The following ACTR3C variants were observed in gnomAD, a reference collection of about 807,000 sequenced individuals.
ACTR3C encodes the protein actin related protein 3C, also known as actin-related protein 3C.
In ACTR3C, 18 loss-of-function variants were observed where a neutral mutation model predicts 26.3. That is an observed-to-expected ratio of 0.68 (90% confidence interval 0.47 to 1.01). The LOEUF (loss-of-function observed/expected upper bound fraction) is 1.01. Ranked by LOEUF, ACTR3C falls within the 50% of genes least tolerant of loss-of-function variation. The pLI, the probability that ACTR3C is intolerant of heterozygous loss-of-function variation, is 0.00. For missense variants in ACTR3C, 184 were observed against 250.7 expected (o/e 0.73, Z 1.80); for synonymous variants, 55 against 94.5 (o/e 0.58, Z 2.42).
At chr7:150,262,406 C>T (rs1451279523) in intron 6 of ACTR3C, among the ~76,000 whole-genome samples, 2 of 152,276 alleles carry the variant, frequency 1.3e-5, no homozygotes, top group South Asian at 2.1e-4. Flanking sequence ...ATAGAAATGT[C>T]TGTAACTTTT....
the ACTR3C span, among the ~76,000 whole-genome samples, chr7:150,189,164 A>C: frequency 6.6e-6 from 1 of 151,508 alleles, no homozygotes; most frequent in African/African-American, 2.4e-5. Flanking sequence ...TATACATATA[A>C]AGTAGCTTCA....
the ACTR3C span, among the ~76,000 whole-genome samples, chr7:149,936,212 C>T: frequency 6.6e-6 from 1 of 152,176 alleles, no homozygotes; most frequent in Non-Finnish European, 1.5e-5. Context: ...ATATTAGAAA[C>T]ACCAAAGCTT....
chr7:150,315,486 C>G (rs975766245), intron 1 of ACTR3C, among the ~76,000 whole-genome samples: 1 of 152,086 alleles, frequency 6.6e-6, no homozygotes, highest in Non-Finnish European at 1.5e-5. Flanking sequence ...AGAAAACATG[C>G]TCAGGATGGA....
intron 4 of ACTR3C, among the ~76,000 whole-genome samples, chr7:150,287,368 G>T (rs1835870750): frequency 6.6e-6 from 1 of 152,206 alleles, no homozygotes; most frequent in African/African-American, 2.4e-5. Flanking sequence ...GGATGCTGCT[G>T]CTGCTGCTGC....
chr7:149,978,298 T>C, the ACTR3C span, among the ~76,000 whole-genome samples: 2 of 152,040 alleles, frequency 1.3e-5, no homozygotes, highest in Non-Finnish European at 2.9e-5. Context: ...TGGCCCCTCC[T>C]GCAAACAACA....
the ACTR3C span, among the ~76,000 whole-genome samples, chr7:149,949,958 G>A: frequency 2.1e-5 from 3 of 143,356 alleles, no homozygotes; most frequent in South Asian, 2.2e-4. Flanking sequence ...AGACCCAGTC[G>A]CACTGGGCAA....
the ACTR3C span, among the ~76,000 whole-genome samples, chr7:149,898,110 T>C: frequency 6.6e-6 from 1 of 152,036 alleles, no homozygotes; most frequent in African/African-American, 2.4e-5. Flanking sequence ...ACGAGTGAAG[T>C]GGAAACACGG....
the ACTR3C span, among the ~76,000 whole-genome samples, chr7:149,927,683 A>G: frequency 0.93 from 140,057 of 150,666 alleles, 65,583 homozygotes; most frequent in Non-Finnish European, 0.99. Context: ...AGCCAAGATC[A>G]CGCCATTCTA....
chr7:149,983,449 G>GTATATATATA, the ACTR3C span, among the ~76,000 whole-genome samples: 6 of 23,288 alleles, frequency 2.6e-4, no homozygotes, highest in African/African-American at 8.7e-4. Flanking sequence ...GTGTGTGTGT[G>GTATATATATA]TATATATATA....
the ACTR3C span, among the ~76,000 whole-genome samples, chr7:150,198,143 G>T: frequency 6.6e-6 from 1 of 151,130 alleles, no homozygotes; most frequent in Admixed American, 6.6e-5. Context: ...GGTTCACTCA[G>T]TGCTCAATGG....
At chr7:149,946,527 T>C in the ACTR3C span, among the ~76,000 whole-genome samples, 3,915 of 152,316 alleles carry the variant, frequency 0.026, 78 homozygotes, top group Middle Eastern at 0.048. Context: ...CGAGTCCCCC[T>C]GTTCTCCCAG....
chr7:150,225,768 A>T, the ACTR3C span, among the ~76,000 whole-genome samples: 6 of 152,228 alleles, frequency 3.9e-5, no homozygotes, highest in Admixed American at 2.0e-4. Context: ...TTAAATTTAC[A>T]TACATCAAGA....
chr7:150,069,719 C>A, the ACTR3C span, among the ~76,000 whole-genome samples: 1 of 152,044 alleles, frequency 6.6e-6, no homozygotes, highest in Admixed American at 6.5e-5. Flanking sequence ...CTCAGACACA[C>A]TGGGGAGTCC....
At chr7:150,143,964 A>C in the ACTR3C span, among the ~76,000 whole-genome samples, 1 of 152,246 alleles carries the variant, frequency 6.6e-6, no homozygotes, top group African/African-American at 2.4e-5. Flanking sequence ...CCTCCGGTGT[A>C]GCTTCTCCCC....
chr7:150,199,983 A>C, the ACTR3C span, among the ~76,000 whole-genome samples: 730 of 152,312 alleles, frequency 4.8e-3, 4 homozygotes, highest in African/African-American at 0.017. Flanking sequence ...GCAAAAACTC[A>C]TAATTACAGC....
chr7:150,187,469 C>T, the ACTR3C span, among the ~76,000 whole-genome samples: 4 of 147,650 alleles, frequency 2.7e-5, no homozygotes, highest in Non-Finnish European at 6.0e-5. Flanking sequence ...ACAGTACTAA[C>T]TAAAGAATTT....
chr7:150,109,441 G>A, the ACTR3C span, among the ~76,000 whole-genome samples: 1 of 151,702 alleles, frequency 6.6e-6, no homozygotes, highest in African/African-American at 2.4e-5. Context: ...TCCCCAATGA[G>A]AGAGGCAGGC....
the ACTR3C span, among the ~76,000 whole-genome samples, chr7:150,115,859 A>T: frequency 2.3e-4 from 35 of 152,302 alleles, no homozygotes; most frequent in East Asian, 6.6e-3. Context: ...ATGAAGACAC[A>T]TTGGCCACTT....
chr7:149,960,850 G>A, the ACTR3C span, among the ~76,000 whole-genome samples: 2 of 152,226 alleles, frequency 1.3e-5, no homozygotes, highest in Non-Finnish European at 2.9e-5. Context: ...AATCCCAAGA[G>A]CAAGAGTGAT....
Sources: allele counts gnomAD v4.1 joint callset (sites outside exome capture counted in the v4.1 genomes callset), GRCh38; gene constraint gnomAD v4.1.1; transcripts MANE v1.5; gene names NCBI Gene and HGNC (gene_info 2026-07-23, HGNC 2026-07-21).